Variants in CACNG5 observed in about 807,000 individuals in gnomAD.
CACNG5 encodes voltage-dependent calcium channel gamma-5 subunit.
CACNG5 carries 18 observed loss-of-function variants against 24.8 expected under a neutral mutation model. The ratio of observed to expected loss-of-function variants is 0.73; its 90% CI spans 0.50 to 1.08. The LOEUF is 1.08. Among genes scored for constraint, CACNG5 ranks in the 50% least tolerant of loss-of-function variants. The pLI, the probability that CACNG5 is intolerant of heterozygous loss-of-function variation, is 0.00. For missense variants in CACNG5, 349 were observed against 367.9 expected (o/e 0.95, Z 0.42); for synonymous variants, 157 against 149.1 (o/e 1.05, Z -0.39).
chr17:66,843,953 T>G (rs1976601508), intron 1 of CACNG5, among the ~76,000 whole-genome samples: 1 of 124,732 alleles, frequency 8.0e-6, no homozygotes, highest in Non-Finnish European at 1.6e-5. Flanking sequence ...AAGAGGCCCT[T>G]GACTCGGGGG....
At chr17:66,865,989 T>C (rs1259939025) in intron 1 of CACNG5, among the ~76,000 whole-genome samples, 2 of 152,084 alleles carry the variant, frequency 1.3e-5, no homozygotes, top group African/African-American at 4.8e-5. Flanking sequence ...TATTGTTTAA[T>C]CCAGAAATTC....
chr17:66,859,598 G>C (rs1316544194), intron 1 of CACNG5, among the ~76,000 whole-genome samples: 1 of 152,134 alleles, frequency 6.6e-6, no homozygotes, highest in East Asian at 1.9e-4. Context: ...CGGCGCCGAG[G>C]CTGGCTCCAA....
intron 1 of CACNG5, among the ~76,000 whole-genome samples, chr17:66,838,816 A>C (rs1976519986): frequency 6.6e-6 from 1 of 152,002 alleles, no homozygotes; most frequent in African/African-American, 2.4e-5. Flanking sequence ...TAATGGGGAT[A>C]CGACTGGAGT....
At chr17:66,869,527 T>C (rs1234135168) in intron 1 of CACNG5, among the ~76,000 whole-genome samples, 2 of 152,128 alleles carry the variant, frequency 1.3e-5, no homozygotes, top group Non-Finnish European at 2.9e-5. Context: ...AGGTTCAGAG[T>C]GGCCATGTGA....
chr17:66,843,246 G>A (rs1329458026), intron 1 of CACNG5, among the ~76,000 whole-genome samples: 1 of 152,128 alleles, frequency 6.6e-6, no homozygotes, highest in African/African-American at 2.4e-5. Context: ...GATGCTAATG[G>A]GGGCAAGCTT....
In CACNG5 at chr17:66,884,595, G is replaced by A; in HGVS notation, c.504G>A (p.Glu168=). The A allele has an allele frequency of 6.2e-7, 1 of 1,614,164 alleles. No individual in the cohort carries two copies. Among genetic ancestry groups the A allele is most frequent in the Non-Finnish European group, 8.5e-7 (1 of 1,180,032 alleles). ...TGCTCAACAGGACCAAGGATGCAGA[G>A]ACCTACTTCAACTACAAGTATGGGT... ...DEMLNRTKDA[E]TYFNYKYGWS... is the part of the protein sequence containing the mutation. The change falls in exon 5 of 6, where the codon GAG becomes GAA. Residue 168 remains glutamate, a synonymous_variant. Coordinates refer to ENST00000533854, the MANE Select transcript of CACNG5 (RefSeq NM_145811.3).
chr17:66,838,426 G>T (rs1433211024), intron 1 of CACNG5, among the ~76,000 whole-genome samples: 1 of 151,248 alleles, frequency 6.6e-6, no homozygotes, highest in Admixed American at 6.6e-5. Flanking sequence ...GGGGACAGAG[G>T]GGTGAGAATT....
intron 1 of CACNG5, among the ~76,000 whole-genome samples, chr17:66,839,239 C>T (rs145902032): frequency 6.6e-6 from 1 of 151,830 alleles, no homozygotes; most frequent in Non-Finnish European, 1.5e-5. Flanking sequence ...GGATTACAGG[C>T]GTGAGCCACC....
At chr17:66,841,836 G>A (rs1251023359) in intron 1 of CACNG5, among the ~76,000 whole-genome samples, 1 of 152,174 alleles carries the variant, frequency 6.6e-6, no homozygotes, top group Non-Finnish European at 1.5e-5. Flanking sequence ...GGTCAGGTGT[G>A]TTTTATGGAA....
chr17:66,839,342 A>G (rs1422860502), intron 1 of CACNG5, among the ~76,000 whole-genome samples: 3 of 152,034 alleles, frequency 2.0e-5, no homozygotes, highest in Admixed American at 1.3e-4. Flanking sequence ...GCTGTTGAGA[A>G]CCACTGGGGA....
intron 1 of CACNG5, among the ~76,000 whole-genome samples, chr17:66,845,373 T>C (rs190442071): frequency 1.1e-3 from 171 of 151,686 alleles, no homozygotes; most frequent in Non-Finnish European, 2.0e-3. Context: ...GATGGGTTGA[T>C]AGGTGTAGCA....
chr17:66,878,798 C>T (rs1977119207), intron 2 of CACNG5, among the ~76,000 whole-genome samples, 174 bp from the exon 3 acceptor site: 1 of 152,194 alleles, frequency 6.6e-6, no homozygotes, highest in African/African-American at 2.4e-5. Context: ...TGCCTCCACC[C>T]CTGCTGTGGG....
At chr17:66,849,075 G>T (rs1186293024) in intron 1 of CACNG5, among the ~76,000 whole-genome samples, 1 of 152,156 alleles carries the variant, frequency 6.6e-6, no homozygotes, top group Non-Finnish European at 1.5e-5. Flanking sequence ...GTACCGCGGG[G>T]TTCACCCAGC....
At position 66,889,939 on chromosome 17, in the gene CACNG5, G is replaced by A. The variant is rs1180951437; in HGVS notation, c.*4699G>A. Among the ~76,000 whole-genome samples the A allele has an allele frequency of 6.6e-6, 1 of 152,192 alleles. No homozygotes were observed. ...GGAGAAAGGACAGCGGAGGCCGGGG[G>A]AGCCACATTCCACCTAAGGCCTGAG... On this transcript the variant is annotated 3_prime_UTR_variant, in exon 6 of 6. Transcript: ENST00000533854.
At chr17:66,849,820 A>T (rs1976689967) in intron 1 of CACNG5, among the ~76,000 whole-genome samples, 1 of 152,178 alleles carries the variant, frequency 6.6e-6, no homozygotes, top group Non-Finnish European at 1.5e-5. Context: ...GGAGGCGCAC[A>T]CACCTCTGTG....
chr17:66,893,273 CAAAGA>C lies in CACNG5; in HGVS notation c.*8034_*8038del. On this transcript the variant is annotated 3_prime_UTR_variant, in exon 6 of 6. Transcript: ENST00000533854. The stretch of plus-strand genomic sequence containing the variant: ...CAGAGAAATAATCCAGGTTCCCATC[CAAAGA>C]TAAATGGGGGAAGGAAAGGTCTAAA... Among the ~76,000 whole-genome samples the C allele has an allele frequency of 6.6e-6, 1 of 152,092 alleles. No individual in the cohort carries two copies. The highest frequency in any genetic ancestry group is 1.5e-5 in the Non-Finnish European group (1 of 68,022).
At chr17:66,841,449 C>T (rs1459252454) in intron 1 of CACNG5, among the ~76,000 whole-genome samples, 2 of 152,202 alleles carry the variant, frequency 1.3e-5, no homozygotes, top group Admixed American at 6.5e-5. Context: ...TCCAGGAGAA[C>T]ATCCTCAAAC....
At chr17:66,845,687 G>C (rs1976630671) in intron 1 of CACNG5, among the ~76,000 whole-genome samples, 1 of 152,038 alleles carries the variant, frequency 6.6e-6, no homozygotes, top group Non-Finnish European at 1.5e-5. Flanking sequence ...ATCACCAAAG[G>C]GATATTACTA....
intron 1 of CACNG5, among the ~76,000 whole-genome samples, chr17:66,877,000 TG>T (rs1977086698): frequency 1.3e-5 from 2 of 152,024 alleles, no homozygotes; most frequent in African/African-American, 4.8e-5. Context: ...AATGAATGAA[TG>T]AATGAATGAA....
Sources: gnomAD v4.1 joint callset for allele counts (sites outside exome capture counted in the v4.1 genomes callset) on GRCh38, gnomAD v4.1.1 for gene constraint, MANE v1.5 for transcripts, NCBI Gene and HGNC (gene_info 2026-07-23, HGNC 2026-07-21) for gene names.